MACROD1: variants seen among roughly 807,000 people sequenced by gnomAD.
MACROD1 encodes the protein mono-ADP ribosylhydrolase 1.
In MACROD1, 31 loss-of-function variants were observed where a neutral mutation model predicts 41.4. That is an observed-to-expected ratio of 0.75 (90% CI 0.56 to 1.01). MACROD1 has a LOEUF of 1.01. Ranked by LOEUF, MACROD1 falls within the 50% of genes least tolerant of loss-of-function variation. MACROD1 has a pLI of 0.00. For synonymous variants in MACROD1, 252 were observed against 203.4 expected, an observed-to-expected ratio of 1.24 and a Z score of -2.03; for missense variants, 473 against 460.0, an observed-to-expected ratio of 1.03 and a Z score of -0.26.
At chr11:64,151,207 C>T in intron 3 of MACROD1, 32 bp downstream of exon 3, 1 of 1,576,466 alleles carries the variant, frequency 6.3e-7, no homozygotes, top group Non-Finnish European at 8.7e-7. Flanking sequence ...ACAGGGCGGC[C>T]ACCAGGTCTC....
At chr11:64,061,702 C>CT (rs35179984) in intron 3 of MACROD1, among the ~76,000 whole-genome samples, 32,121 of 141,766 alleles carry the variant, frequency 0.23, 3,703 homozygotes, top group Non-Finnish European at 0.25. Context: ...GTAAATGAGA[C>CT]TTTTTTTTTT....
chr11:64,154,289 G>A (rs1057305057), intron 1 of MACROD1, among the ~76,000 whole-genome samples: 2 of 151,926 alleles, frequency 1.3e-5, no homozygotes, highest in Non-Finnish European at 2.9e-5. Context: ...TCATTTTTTT[G>A]TTGCTCCATT....
chr11:64,052,258 GA>G (rs999936249), intron 3 of MACROD1, among the ~76,000 whole-genome samples: 4 of 151,656 alleles, frequency 2.6e-5, no homozygotes, highest in South Asian at 2.1e-4. Flanking sequence ...CGGGGTGGGG[GA>G]AAAAAAACAA....
intron 3 of MACROD1, among the ~76,000 whole-genome samples, chr11:64,133,351 G>A (rs1478229035): frequency 6.6e-6 from 1 of 152,202 alleles, no homozygotes; most frequent in Admixed American, 6.5e-5. Context: ...ATGGGGGACA[G>A]GGACAGAGGG....
intron 3 of MACROD1, among the ~76,000 whole-genome samples, chr11:64,072,027 T>C (rs1944117255): frequency 6.6e-6 from 1 of 152,184 alleles, no homozygotes; most frequent in Non-Finnish European, 1.5e-5. Context: ...ACAAACGCAC[T>C]ATTGACCGCC....
chr11:64,039,618 G>A (rs1372700982), intron 3 of MACROD1, among the ~76,000 whole-genome samples: 5 of 152,196 alleles, frequency 3.3e-5, no homozygotes, highest in Admixed American at 2.0e-4. Context: ...TCCTCCCCCC[G>A]GACAGCCTGC....
chr11:64,037,588 G>C (rs180995740), intron 3 of MACROD1, among the ~76,000 whole-genome samples: 13 of 152,260 alleles, frequency 8.5e-5, no homozygotes, highest in African/African-American at 2.4e-4. Context: ...TAGGTGTGAG[G>C]GGCAGGAAGA....
chr11:64,068,412 T>C (rs185313586), intron 3 of MACROD1, among the ~76,000 whole-genome samples: 1 of 152,314 alleles, frequency 6.6e-6, no homozygotes, highest in African/African-American at 2.4e-5. Flanking sequence ...AGGTATCTAC[T>C]GCATTGACCT....
At chr11:64,148,740 G>C in intron 3 of MACROD1, 1 of 985,752 alleles carries the variant, frequency 1.0e-6, no homozygotes, top group East Asian at 1.1e-4. Context: ...GCCCCGAAAA[G>C]CCCTGCCGTT....
At chr11:64,133,063 G>A (rs1279358739) in intron 3 of MACROD1, among the ~76,000 whole-genome samples, 1 of 152,138 alleles carries the variant, frequency 6.6e-6, no homozygotes, top group Non-Finnish European at 1.5e-5. Context: ...ATGAGCCCCA[G>A]CCAGAGCGCC....
chr11:64,048,764 A>C (rs1943634224), intron 3 of MACROD1, among the ~76,000 whole-genome samples: 3 of 152,142 alleles, frequency 2.0e-5, no homozygotes, highest in Admixed American at 2.0e-4. Flanking sequence ...CATAACTCTA[A>C]GGGCGGAGCT....
At chr11:64,138,591 G>A in intron 3 of MACROD1, 2 of 983,280 alleles carry the variant, frequency 2.0e-6, no homozygotes, top group Non-Finnish European at 2.4e-6. Context: ...GGGCCCTGCT[G>A]GCAGAGGAAT....
At chr11:64,084,576 C>A (rs1043074459) in intron 3 of MACROD1, among the ~76,000 whole-genome samples, 2 of 152,218 alleles carry the variant, frequency 1.3e-5, no homozygotes, top group African/African-American at 4.8e-5. Context: ...GCCTCACTTT[C>A]CTTCTCTGTA....
chr11:64,058,767 G>A (rs1021700506), intron 3 of MACROD1, among the ~76,000 whole-genome samples: 3 of 152,262 alleles, frequency 2.0e-5, no homozygotes, highest in Admixed American at 1.3e-4. Context: ...AGGGTGGCCA[G>A]ACGATTCCTC....
chr11:64,046,240 G>A (rs1185270278), intron 3 of MACROD1, among the ~76,000 whole-genome samples: 1 of 152,164 alleles, frequency 6.6e-6, no homozygotes, highest in East Asian at 1.9e-4. Context: ...CTCATCCAAA[G>A]TGAGGAAGCC....
At chr11:64,070,986 C>T (rs1944098796) in intron 3 of MACROD1, among the ~76,000 whole-genome samples, 2 of 152,146 alleles carry the variant, frequency 1.3e-5, no homozygotes, top group African/African-American at 4.8e-5. Flanking sequence ...AAGGGTTTGA[C>T]TATTCAATCC....
intron 3 of MACROD1, among the ~76,000 whole-genome samples, chr11:64,016,814 T>C (rs1366967417): frequency 6.6e-6 from 1 of 151,714 alleles, no homozygotes; most frequent in South Asian, 2.1e-4. Context: ...AGCGAGGCAG[T>C]GGGAGCATGA....
At position 63,999,823 on chromosome 11, in the gene MACROD1, T is replaced by TC. The variant is rs1315348118; in HGVS notation, c.665-61dup. 108 of 1,549,588 alleles carry TC rather than the reference T, an allele frequency of 7.0e-5. No individual in the cohort carries two copies. In the Admixed American group the frequency reaches 1.8e-3, roughly 25 times the overall value. On this transcript the variant is annotated intron_variant, in intron 5 of 10. Transcript: ENST00000255681. ...CTACGCGGTCCTCAGCTCCCTCGCT[T>TC]CCCCCTGCCGGCCTGGGCAGAAGGG...
At chr11:64,023,507 C>T (rs1253339821) in intron 3 of MACROD1, among the ~76,000 whole-genome samples, 1 of 152,186 alleles carries the variant, frequency 6.6e-6, no homozygotes, top group Non-Finnish European at 1.5e-5. Context: ...GGGGCGGTTC[C>T]TGGGGGCAGA....
Sources: gnomAD v4.1 joint callset for allele counts (sites outside exome capture counted in the v4.1 genomes callset) on GRCh38, gnomAD v4.1.1 for gene constraint, MANE v1.5 for transcripts, NCBI Gene and HGNC (gene_info 2026-07-23, HGNC 2026-07-21) for gene names.